The following LOXHD1 variants were observed in gnomAD, a reference collection of about 807,000 sequenced individuals.
LOXHD1 encodes lipoxygenase homology PLAT domains 1, also known as lipoxygenase homology domain-containing protein 1.
Under a neutral mutation model 248.2 loss-of-function variants are expected in LOXHD1, and 205 were observed. The observed-to-expected ratio is 0.83, with a 90% CI of 0.74 to 0.93. LOXHD1 has a LOEUF of 0.93. LOXHD1 is among the 40% of genes least tolerant of loss of function. LOXHD1 has a pLI of 0.00. For missense variants in LOXHD1, 2,930 were observed against 2,971.6 expected (o/e 0.99, Z 0.33); for synonymous variants, 1,113 against 1,162.8 (o/e 0.96, Z 0.87).
chr18:46,511,664 C>T (rs1192480577), intron 34 of LOXHD1, among the ~76,000 whole-genome samples: 5 of 152,198 alleles, frequency 3.3e-5, no homozygotes, highest in Non-Finnish European at 7.4e-5. Flanking sequence ...TGCTACAAAG[C>T]CCGGGAAGGG....
intron 12 of LOXHD1, among the ~76,000 whole-genome samples, chr18:46,587,280 G>A (rs1388938514): frequency 1.2e-4 from 19 of 152,238 alleles, no homozygotes; most frequent in Admixed American, 1.2e-3. Context: ...GCTGAGGACT[G>A]AAGGTGGAAA....
chr18:46,564,042 A>G lies in LOXHD1; in HGVS notation c.2438-817T>C, dbSNP rs1012888066. Among the ~76,000 whole-genome samples the G allele has an allele frequency of 3.3e-5, 5 of 152,308 alleles. No individual in the cohort carries two copies. In the South Asian group the frequency reaches 1.0e-3, roughly 32 times the overall value. On this transcript the variant is annotated intron_variant, in intron 17 of 40. Coordinates refer to ENST00000642948, the MANE Select transcript of LOXHD1 (RefSeq NM_001384474.1). Reference sequence around the variant, plus strand: ...ATAATATTGACATAATAATATAAAAATTGAACACTGATTTAGATGTTTTGA... The same window carrying G: ...ATAATATTGACATAATAATATAAAAGTTGAACACTGATTTAGATGTTTTGA...
At position 46,557,209 on chromosome 18, in the gene LOXHD1, C is replaced by T. The variant is rs1228862077; in HGVS notation, c.3350+147G>A. 2.2e-5 allele frequency: 16 copies of T among 728,528 alleles called. No individual in the cohort carries two copies. The African/African-American group carries it at 2.9e-4, about 13-fold the overall frequency. 45.1% of individuals were successfully genotyped at this position (728,528 alleles called of 1,614,324 possible). A position where few individuals can be genotyped will look rare whatever the true frequency, so the allele number is the denominator to read the frequency against. ...TTACTTTTGGATGTCACGGCCAGTA[C>T]ACCTCACCCTTAGGTGTCACCCAGC... On this transcript the variant is annotated intron_variant, in intron 21 of 40. Transcript: ENST00000642948.
intron 34 of LOXHD1, among the ~76,000 whole-genome samples, chr18:46,514,719 T>C (rs1452342707): frequency 6.6e-6 from 1 of 152,060 alleles, no homozygotes; most frequent in African/African-American, 2.4e-5. Context: ...TCCTGAAGGG[T>C]AAACCCAGCA....
At chr18:46,526,405 G>A (rs973819155) in intron 29 of LOXHD1, among the ~76,000 whole-genome samples, 7 of 152,214 alleles carry the variant, frequency 4.6e-5, no homozygotes, top group Non-Finnish European at 8.8e-5. Flanking sequence ...GCACGCCAAG[G>A]GCAAGTTAAA....
intron 36 of LOXHD1, among the ~76,000 whole-genome samples, chr18:46,507,118 T>C (rs1379332153): frequency 4.6e-5 from 7 of 152,220 alleles, no homozygotes; most frequent in Admixed American, 4.6e-4. Flanking sequence ...CCTGCAAGGT[T>C]TGGGCAGCAC....
intron 6 of LOXHD1, among the ~76,000 whole-genome samples, chr18:46,604,985 C>T (rs2038390967): frequency 6.6e-6 from 1 of 152,084 alleles, no homozygotes; most frequent in Non-Finnish European, 1.5e-5. Flanking sequence ...ATGTTATATA[C>T]CTTAAATATA....
intron 27 of LOXHD1, chr18:46,533,735 C>T: frequency 6.0e-6 from 2 of 331,364 alleles, no homozygotes; most frequent in Non-Finnish European, 1.2e-5. Flanking sequence ...ACCAGCTTGG[C>T]CAACATGGTG....
At position 46,573,710 on chromosome 18, in the gene LOXHD1, G is replaced by T. The variant is rs555697354; in HGVS notation, c.1971-1548C>A. On this transcript the variant is annotated intron_variant, in intron 14 of 40. Coordinates refer to ENST00000642948, the MANE Select transcript of LOXHD1 (RefSeq NM_001384474.1). ...CCAAGGCTGACGGAGGCAATGCTGT[G>T]GTCTCTCCCAAACCTTCTCTTACAT... Among the ~76,000 whole-genome samples the T allele has an allele frequency of 5.9e-4, 90 of 152,186 alleles. 3 individuals carry two copies. The highest frequency in any genetic ancestry group is 2.1e-3 in the African/African-American group (86 of 41,516).
At chr18:46,642,537 C>T (rs890423357) in intron 2 of LOXHD1, among the ~76,000 whole-genome samples, 1 of 152,220 alleles carries the variant, frequency 6.6e-6, no homozygotes, top group Admixed American at 6.5e-5. Context: ...GTCCATGGTC[C>T]TGCCATTCCA....
intron 34 of LOXHD1, among the ~76,000 whole-genome samples, chr18:46,517,540 A>T (rs1271309788): frequency 2.6e-5 from 4 of 152,176 alleles, no homozygotes; most frequent in African/African-American, 9.7e-5. Context: ...AGCTTCTATA[A>T]ATGTTAGTGT....
In LOXHD1 at chr18:46,563,061, A is replaced by G. The variant is rs372037321; in HGVS notation, c.2598+4T>C. On this transcript the variant is annotated splice_donor_region_variant and intron_variant, in intron 18 of 40. Coordinates refer to ENST00000642948, the MANE Select transcript of LOXHD1 (RefSeq NM_001384474.1). ...TGGCACCCCCGCTCCTCGACCCCAC[A>G]TACCTGGAATGTGTCCTTGGACGCC... 1.5e-5 allele frequency: 23 copies of G among 1,536,412 alleles called. No individual in the cohort carries two copies. The African/African-American group carries it at 2.6e-4, about 17-fold the overall frequency.
At chr18:46,646,087 G>A (rs1283831502) in intron 2 of LOXHD1, among the ~76,000 whole-genome samples, 1 of 152,232 alleles carries the variant, frequency 6.6e-6, no homozygotes, top group Non-Finnish European at 1.5e-5. Flanking sequence ...ATATGCATGT[G>A]TGTGTGTATT....
intron 14 of LOXHD1, among the ~76,000 whole-genome samples, chr18:46,577,226 A>C (rs1015237048): frequency 1.3e-5 from 2 of 152,242 alleles, no homozygotes; most frequent in African/African-American, 4.8e-5. Flanking sequence ...CAAATGCTTA[A>C]GCAAAAAGAG....
intron 25 of LOXHD1, among the ~76,000 whole-genome samples, chr18:46,538,638 A>C (rs1334398631): frequency 6.6e-6 from 1 of 152,184 alleles, no homozygotes; most frequent in Non-Finnish European, 1.5e-5. Context: ...AGAATTTGAC[A>C]AGCCCAGGCT....
intron 21 of LOXHD1, among the ~76,000 whole-genome samples, chr18:46,551,318 T>C (rs1248656558): frequency 6.6e-6 from 1 of 152,192 alleles, no homozygotes; most frequent in East Asian, 1.9e-4. Flanking sequence ...TTAGCCAGGA[T>C]GGTCTCGATC....
intron 1 of LOXHD1, among the ~76,000 whole-genome samples, chr18:46,655,469 G>A (rs967813398): frequency 1.3e-5 from 2 of 152,224 alleles, no homozygotes; most frequent in Non-Finnish European, 2.9e-5. Context: ...CACGTGGCTG[G>A]GGAGAATCAC....
intron 34 of LOXHD1, among the ~76,000 whole-genome samples, chr18:46,517,825 C>T (rs2035340126): frequency 6.6e-6 from 1 of 152,200 alleles, no homozygotes; most frequent in East Asian, 1.9e-4. Context: ...GAAACCAAGA[C>T]ATTAACAATG....
At chr18:46,560,052 T>TCCCACCCCCCC in intron 19 of LOXHD1, 31 bp downstream of exon 19, 1 of 441,130 alleles carries the variant, frequency 2.3e-6, no homozygotes, top group Non-Finnish European at 3.6e-6. Context: ...GGCCACTCCC[T>TCCCACCCCCCC]CCCCACCCCC....
Sources: allele counts gnomAD v4.1 joint callset (sites outside exome capture counted in the v4.1 genomes callset), GRCh38; gene constraint gnomAD v4.1.1; transcripts MANE v1.5; gene names NCBI Gene and HGNC (gene_info 2026-07-23, HGNC 2026-07-21).